The following EPG5 variants were observed in gnomAD, a reference collection of about 807,000 sequenced individuals.
EPG5 encodes the protein ectopic P granules protein 5 homolog.
EPG5 carries 159 observed loss-of-function variants against 302.7 expected under a neutral mutation model. The ratio of observed to expected loss-of-function variants is 0.53; its 90% CI spans 0.46 to 0.60. The LOEUF (loss-of-function observed/expected upper bound fraction) is 0.60. Ranked by LOEUF, EPG5 falls within the 20% of genes least tolerant of loss-of-function variation. EPG5 has a pLI of 0.00. For missense variants in EPG5, 2,896 were observed against 3,092.4 expected, an observed-to-expected ratio of 0.94 and a Z score of 1.51; for synonymous variants, 1,158 against 1,136.8, an observed-to-expected ratio of 1.02 and a Z score of -0.37.
At chr18:45,816,501 T>C in the EPG5 span, among the ~76,000 whole-genome samples, 1 of 151,966 alleles carries the variant, frequency 6.6e-6, no homozygotes, top group Non-Finnish European at 1.5e-5. Context: ...AAAGAAGATA[T>C]ACAAATGGCC....
Position 45,967,264 on chromosome 18 carries a change from G to A in EPG5, c.-25C>T, listed in dbSNP as rs1444862683. The stretch of plus-strand genomic sequence containing the variant: ...TAGACCCTTCCGCGGCGCCGTCACC[G>A]TTTGTTTTTGTCAAACCCCTGCGCT... On this transcript the variant is annotated 5_prime_UTR_variant, in exon 1 of 44. It adds an upstream start codon to the 5' untranslated region. Coordinates refer to ENST00000282041, the MANE Select transcript of EPG5 (RefSeq NM_020964.3). The A allele has an allele frequency of 9.6e-6, 15 of 1,567,328 alleles. No individual in the cohort carries two copies. The highest frequency in any genetic ancestry group is 1.2e-5 in the Non-Finnish European group (14 of 1,156,384).
In EPG5 at chr18:45,963,385, A is replaced by C. The variant is rs903307421; in HGVS notation, c.63+3792T>G. The stretch of plus-strand genomic sequence containing the variant: ...AAGAATATAAAGGTTAAGAATCAAA[A>C]GAGAACTTTGGGAGGCCGAGATGGG... On this transcript the variant is annotated intron_variant, in intron 1 of 43. Transcript: ENST00000282041. Among the ~76,000 whole-genome samples, 3 of 152,168 alleles carry C rather than the reference A, an allele frequency of 2.0e-5. No homozygotes were observed. The East Asian group carries it at 5.8e-4, about 29-fold the overall frequency.
At chr18:45,936,091 T>C (rs1367011585) in intron 10 of EPG5, among the ~76,000 whole-genome samples, 2 of 152,170 alleles carry the variant, frequency 1.3e-5, no homozygotes, top group Non-Finnish European at 2.9e-5. Flanking sequence ...ACCATGATTT[T>C]GTAGGTCACA....
Position 45,948,547 on chromosome 18 carries a change from G to A in EPG5, c.1527C>T (p.Val509=). 1 of 1,613,902 alleles carries A rather than the reference G, an allele frequency of 6.2e-7. No individual in the cohort carries two copies. The highest frequency in any genetic ancestry group is 8.5e-7 in the Non-Finnish European group (1 of 1,179,884). The change falls in exon 6 of 44, where the codon GTC becomes GTT. Residue 509 remains valine, a synonymous_variant. Transcript: ENST00000282041. ...GGGCAAGGGATTGCATAAAATGAAA[G>A]ACCCCTGATGGGTTATGCAACACTT... ...QIKVLHNPSG[V]FHFMQSLALL...
At chr18:45,952,361 C>T (rs2050927844) in intron 3 of EPG5, 39 bp downstream of exon 3, 2 of 1,596,316 alleles carry the variant, frequency 1.3e-6, no homozygotes, top group Admixed American at 1.8e-5. Flanking sequence ...TTTTTTTTTA[C>T]TTCAAAACAC....
chr18:45,882,995 G>A (rs1242589284), intron 30 of EPG5, among the ~76,000 whole-genome samples: 4 of 129,758 alleles, frequency 3.1e-5, no homozygotes, highest in South Asian at 2.4e-4. Context: ...CAACAAGAGC[G>A]AAACTGCGTC....
chr18:45,947,732 A>G (rs549108268), intron 6 of EPG5, among the ~76,000 whole-genome samples: 100 of 150,108 alleles, frequency 6.7e-4, no homozygotes, highest in African/African-American at 2.4e-3. Flanking sequence ...TCCCACCTAC[A>G]TGTTCTCCAT....
At chr18:45,921,963 T>TGAAA (rs1479532502) in intron 16 of EPG5, among the ~76,000 whole-genome samples, 4 of 113,050 alleles carry the variant, frequency 3.5e-5, no homozygotes, top group African/African-American at 1.3e-4. Flanking sequence ...AAGTAAAATT[T>TGAAA]AAAAAAAAAA....
the EPG5 span, among the ~76,000 whole-genome samples, chr18:45,816,643 G>A: frequency 6.6e-5 from 10 of 152,288 alleles, no homozygotes; most frequent in East Asian, 7.7e-4. Flanking sequence ...TGGATGCGGC[G>A]AAGAGGGAAC....
chr18:45,917,944 C>T, intron 16 of EPG5, 125 bp from the exon 17 acceptor site: 1 of 843,796 alleles, frequency 1.2e-6, no homozygotes. Context: ...GTTTTATACC[C>T]AATCTTCACA....
the EPG5 span, chr18:45,838,946 G>A: frequency 6.2e-6 from 10 of 1,605,200 alleles, no homozygotes; most frequent in Non-Finnish European, 8.5e-6. Flanking sequence ...GCCGCCAACA[G>A]CCTGGGCCGC....
chr18:45,815,084 C>A, the EPG5 span, among the ~76,000 whole-genome samples: 1 of 152,132 alleles, frequency 6.6e-6, no homozygotes, highest in African/African-American at 2.4e-5. Context: ...GGTAGACCTG[C>A]TAGATGAGAT....
intron 17 of EPG5, chr18:45,916,817 G>A: frequency 6.6e-6 from 2 of 301,192 alleles, no homozygotes; most frequent in Non-Finnish European, 1.2e-5. Flanking sequence ...ACACATGCAA[G>A]TTAAACAGCA....
At chr18:45,937,670 G>C (rs559420933) in intron 10 of EPG5, among the ~76,000 whole-genome samples, 64 of 151,878 alleles carry the variant, frequency 4.2e-4, no homozygotes, top group African/African-American at 1.5e-3. Context: ...GCCTACCAAA[G>C]TGCTGGGATT....
At chr18:45,952,339 T>C in intron 3 of EPG5, 61 bp downstream of exon 3, 2 of 1,585,660 alleles carry the variant, frequency 1.3e-6, no homozygotes, top group Non-Finnish European at 8.6e-7. Flanking sequence ...TCAACCAGGC[T>C]ATACCCCTCA....
intron 40 of EPG5, among the ~76,000 whole-genome samples, chr18:45,859,728 T>C (rs2048591818): frequency 6.6e-6 from 1 of 152,180 alleles, no homozygotes; most frequent in Non-Finnish European, 1.5e-5. Flanking sequence ...CAGGGAAAAT[T>C]AACCTCATGG....
intron 30 of EPG5, 44 bp downstream of exon 30, chr18:45,884,573 T>C: frequency 6.6e-7 from 1 of 1,515,696 alleles, no homozygotes; most frequent in Non-Finnish European, 8.9e-7. Context: ...GCAACAATCA[T>C]TCCTACGTTT....
At chr18:45,816,502 A>G in the EPG5 span, among the ~76,000 whole-genome samples, 1 of 152,348 alleles carries the variant, frequency 6.6e-6, no homozygotes, top group East Asian at 1.9e-4. Context: ...AAGAAGATAT[A>G]CAAATGGCCA....
intron 1 of EPG5, among the ~76,000 whole-genome samples, 188 bp from the exon 2 acceptor site, chr18:45,955,526 T>C (rs1267150715): frequency 6.6e-6 from 1 of 152,220 alleles, no homozygotes; most frequent in African/African-American, 2.4e-5. Flanking sequence ...TATTTCGTAT[T>C]ATCCAATATT....
Sources: allele counts gnomAD v4.1 joint callset (sites outside exome capture counted in the v4.1 genomes callset), GRCh38; gene constraint gnomAD v4.1.1; transcripts MANE v1.5; gene names NCBI Gene and HGNC (gene_info 2026-07-23, HGNC 2026-07-21).